Variants in SNAP47 observed in about 807,000 individuals in gnomAD.
SNAP47 encodes the protein synaptosomal-associated protein 47.
In SNAP47, 20 loss-of-function variants were observed where a neutral mutation model predicts 31.4. That is an observed-to-expected ratio of 0.64 (90% CI 0.45 to 0.93). The LOEUF (loss-of-function observed/expected upper bound fraction) is 0.93, where lower values mean the gene tolerates loss of function less well. Ranked by LOEUF, SNAP47 falls within the 40% of genes least tolerant of loss-of-function variation. SNAP47 has a pLI of 0.00. For synonymous variants in SNAP47, 194 were observed against 213.4 expected (o/e 0.91, Z 0.79); for missense variants, 492 against 528.5 (o/e 0.93, Z 0.68).
chr1:227,769,966 CAG>C (rs1663687080), intron 4 of SNAP47, among the ~76,000 whole-genome samples: 1 of 152,136 alleles, frequency 6.6e-6, no homozygotes, highest in African/African-American at 2.4e-5. Flanking sequence ...GGTGGACACT[CAG>C]TGTCGACAGA....
intron 3 of SNAP47, among the ~76,000 whole-genome samples, chr1:227,764,393 C>G (rs150808313): frequency 0.01 from 1,527 of 152,240 alleles, 17 homozygotes; most frequent in African/African-American, 0.032. Flanking sequence ...TCCAGAACGG[C>G]CTGAGTGTCT....
intron 4 of SNAP47, chr1:227,775,951 C>T (rs1478851998): frequency 1.5e-6 from 2 of 1,291,336 alleles, no homozygotes; most frequent in Non-Finnish European, 2.0e-6. Flanking sequence ...CGGCCAGGCC[C>T]ACAGCGCCCA....
chr1:227,758,585 C>G (rs952897092), intron 2 of SNAP47, among the ~76,000 whole-genome samples: 1 of 152,200 alleles, frequency 6.6e-6, no homozygotes, highest in Admixed American at 6.5e-5. Flanking sequence ...TCACGTGTGC[C>G]TGCTACAGTA....
At chr1:227,761,246 A>C (rs984125406) in intron 3 of SNAP47, among the ~76,000 whole-genome samples, 2 of 152,234 alleles carry the variant, frequency 1.3e-5, no homozygotes, top group Admixed American at 6.5e-5. Context: ...CTCTAACATG[A>C]AAATGTTTTG....
chr1:227,751,485 G>A (rs948772468), intron 2 of SNAP47, among the ~76,000 whole-genome samples: 3 of 152,130 alleles, frequency 2.0e-5, no homozygotes, highest in Non-Finnish European at 2.9e-5. Flanking sequence ...GTTCTTTCCC[G>A]CCAGGCAGGA....
chr1:227,734,915 CT>C, upstream of SNAP47: 1 of 1,540,300 alleles, frequency 6.5e-7, no homozygotes, highest in Non-Finnish European at 8.8e-7. Context: ...CCTGGCCTCC[CT>C]CACCCTCCCT....
rs758020426 is a variant in SNAP47 at position 227,780,669 on chromosome 1, C to T, written c.1256C>T (p.Thr419Ile). The change falls in exon 5 of 5, where the codon ACC (threonine) becomes ATC (isoleucine). Residue 419 changes from threonine (T) to isoleucine (I), a missense_variant. Thr to Ile is a moderately conservative substitution (Grantham distance 89). Coordinates refer to ENST00000617596, the MANE Select transcript of SNAP47 (RefSeq NM_053052.4). ...DKHNRRMKRL[T>I] ...CACAACAGGCGGATGAAGAGGCTGA[C>T]CTAGGGGCAGAACGTCCCTGCATTC... The T allele has an allele frequency of 6.2e-7, 1 of 1,614,094 alleles. No individual in the cohort carries two copies. The highest frequency in any genetic ancestry group is 2.2e-5 in the East Asian group (1 of 44,880).
intron 1 of SNAP47, 108 bp from the exon 2 acceptor site, chr1:227,747,584 T>C: frequency 1.7e-6 from 2 of 1,152,290 alleles, no homozygotes; most frequent in Non-Finnish European, 1.2e-6. Flanking sequence ...AGCCACGTGC[T>C]GCAGCCTGTG....
At chr1:227,743,217 T>G (rs1261242528) in intron 1 of SNAP47, among the ~76,000 whole-genome samples, 3 of 152,100 alleles carry the variant, frequency 2.0e-5, no homozygotes, top group Non-Finnish European at 4.4e-5. Context: ...TGGTGTCGCC[T>G]AGGAAGGGCG....
rs535154575 is a variant in SNAP47 at position 227,751,247 on chromosome 1, G to A, written c.497+3014G>A. Among the ~76,000 whole-genome samples the A allele has an allele frequency of 4.9e-4, 74 of 152,260 alleles. 1 individual carries two copies. Among genetic ancestry groups the A allele is most frequent in the Middle Eastern group, 3.4e-3 (1 of 294 alleles). ...CACCTGCGTCGGCCTGCACCGCCAC[G>A]TCTCTCTCCTGCTCAGCAGCTGTCT... On this transcript the variant is annotated intron_variant, in intron 2 of 4. Transcript: ENST00000617596.
chr1:227,754,090 T>C (rs1662543628), intron 2 of SNAP47, among the ~76,000 whole-genome samples: 1 of 152,224 alleles, frequency 6.6e-6, no homozygotes. Flanking sequence ...AAGGTTTTAT[T>C]GAGTGGAAGT....
At chr1:227,780,106 A>G (rs1238700980) in intron 4 of SNAP47, among the ~76,000 whole-genome samples, 1 of 152,190 alleles carries the variant, frequency 6.6e-6, no homozygotes, top group African/African-American at 2.4e-5. Flanking sequence ...GGTCTCACCC[A>G]GCATAGTGGC....
chr1:227,743,571 G>A (rs554213739), intron 1 of SNAP47, among the ~76,000 whole-genome samples: 45 of 152,324 alleles, frequency 3.0e-4, no homozygotes, highest in African/African-American at 9.6e-4. Flanking sequence ...GCAGTCCCAG[G>A]CCTTGCAGGC....
chr1:227,764,377 T>C (rs1384536284), intron 3 of SNAP47, among the ~76,000 whole-genome samples: 2 of 152,148 alleles, frequency 1.3e-5, no homozygotes, highest in Non-Finnish European at 2.9e-5. Flanking sequence ...TCCTATTTGT[T>C]AAAATTCCAG....
At chr1:227,743,430 G>A (rs1385973880) in intron 1 of SNAP47, among the ~76,000 whole-genome samples, 2 of 152,162 alleles carry the variant, frequency 1.3e-5, no homozygotes, top group Non-Finnish European at 2.9e-5. Flanking sequence ...CGTGGGCTCC[G>A]GCCTCCCATG....
At chr1:227,735,138 G>A (rs111401193), upstream of SNAP47, 108 of 1,580,974 alleles carry the variant, frequency 6.8e-5, no homozygotes, top group Non-Finnish European at 9.0e-5. Flanking sequence ...AAGAAGCCCC[G>A]CACAAAGTCG....
chr1:227,733,429 G>T, upstream of SNAP47: 1 of 1,578,238 alleles, frequency 6.3e-7, no homozygotes, highest in East Asian at 2.3e-5. Context: ...TGTGCACCTG[G>T]TGGTGCCAGC....
chr1:227,754,479 C>G (rs1355805930), intron 2 of SNAP47, among the ~76,000 whole-genome samples: 1 of 152,198 alleles, frequency 6.6e-6, no homozygotes, highest in Non-Finnish European at 1.5e-5. Flanking sequence ...AGCCAGGGAC[C>G]ACGCCCTCCT....
At chr1:227,760,190 G>A (rs765443460) in intron 3 of SNAP47, among the ~76,000 whole-genome samples, 1 of 152,230 alleles carries the variant, frequency 6.6e-6, no homozygotes, top group Non-Finnish European at 1.5e-5. Flanking sequence ...AGAGCAAAAG[G>A]AAGCTCCTGC....
Sources: gnomAD v4.1 joint callset for allele counts (sites outside exome capture counted in the v4.1 genomes callset) on GRCh38, gnomAD v4.1.1 for gene constraint, MANE v1.5 for transcripts, NCBI Gene and HGNC (gene_info 2026-07-23, HGNC 2026-07-21) for gene names.